PCNX1: variants seen among roughly 807,000 people sequenced by gnomAD.
PCNX1 encodes pecanex-like protein 1.
In PCNX1, 78 loss-of-function variants were observed where a neutral mutation model predicts 242.2. That is an observed-to-expected ratio of 0.32 (90% CI 0.27 to 0.39). PCNX1 has a LOEUF of 0.39. PCNX1 is among the 10% of genes least tolerant of loss of function. The probability of loss-of-function intolerance (pLI) is 1.00; values close to 1 mark genes in which losing one functional copy is unlikely to be tolerated. For synonymous variants in PCNX1, 1,024 were observed against 1,032.9 expected (o/e 0.99, Z 0.17); for missense variants, 2,581 against 2,856.5 (o/e 0.90, Z 2.20).
At chr14:70,968,370 ATTAT>A (rs1339150362) in intron 4 of PCNX1, 127 bp downstream of exon 4, 13 of 576,500 alleles carry the variant, frequency 2.3e-5, no homozygotes, top group Admixed American at 3.8e-5. Flanking sequence ...TATAGATAAA[ATTAT>A]TTATCTTATT....
chr14:71,027,782 G>T (rs2140884045), intron 15 of PCNX1, among the ~76,000 whole-genome samples: 1 of 151,852 alleles, frequency 6.6e-6, no homozygotes, highest in African/African-American at 2.4e-5. Context: ...TTTTTGAAGG[G>T]GTATGAATTA....
chr14:70,983,664 C>T (rs1292931386), intron 6 of PCNX1, among the ~76,000 whole-genome samples: 1 of 151,238 alleles, frequency 6.6e-6, no homozygotes, highest in African/African-American at 2.4e-5. Context: ...GTAGGCCAGT[C>T]CTTTAAAATG....
At chr14:71,097,240 A>G (rs1398174521) in intron 30 of PCNX1, among the ~76,000 whole-genome samples, 1 of 152,178 alleles carries the variant, frequency 6.6e-6, no homozygotes, top group African/African-American at 2.4e-5. Context: ...TTGATTCTGC[A>G]TCTTTGCTAT....
At chr14:70,911,121 T>C (rs1409007890) in intron 1 of PCNX1, among the ~76,000 whole-genome samples, 1 of 152,214 alleles carries the variant, frequency 6.6e-6, no homozygotes, top group Non-Finnish European at 1.5e-5. Context: ...GCTCTTACAA[T>C]AATAACTGTA....
intron 1 of PCNX1, among the ~76,000 whole-genome samples, chr14:70,941,154 C>G (rs980032438): frequency 3.0e-4 from 46 of 152,250 alleles, no homozygotes; most frequent in African/African-American, 9.6e-4. Flanking sequence ...TTCTCTGTCC[C>G]TTTGTTCCAT....
At chr14:71,024,318 A>C (rs191473251) in intron 13 of PCNX1, among the ~76,000 whole-genome samples, 1 of 152,244 alleles carries the variant, frequency 6.6e-6, no homozygotes, top group African/African-American at 2.4e-5. Flanking sequence ...TTATTCAAAT[A>C]GGTTTTGCCC....
intron 25 of PCNX1, among the ~76,000 whole-genome samples, chr14:71,056,834 A>T (rs1450561554): frequency 3.3e-5 from 5 of 151,992 alleles, no homozygotes; most frequent in Non-Finnish European, 7.4e-5. Flanking sequence ...GTGCACCATG[A>T]TGCCCAGCTA....
At chr14:70,911,280 TC>T (rs901819882) in intron 1 of PCNX1, among the ~76,000 whole-genome samples, 1 of 152,050 alleles carries the variant, frequency 6.6e-6, no homozygotes, top group African/African-American at 2.4e-5. Flanking sequence ...TTTTATTTAT[TC>T]CCCCCCAAAA....
At chr14:70,908,634 T>G (rs2055683800) in intron 1 of PCNX1, among the ~76,000 whole-genome samples, 1 of 152,042 alleles carries the variant, frequency 6.6e-6, no homozygotes, top group African/African-American at 2.4e-5. Flanking sequence ...TAAAAAACCG[T>G]TGTTGTGCTT....
chr14:70,974,319 G>C (rs1367511278), intron 5 of PCNX1, among the ~76,000 whole-genome samples: 1 of 147,920 alleles, frequency 6.8e-6, no homozygotes, highest in Non-Finnish European at 1.5e-5. Context: ...ATTTTTAGTA[G>C]AGATGGGGTT....
rs150765423 is a variant in PCNX1, at chr14:71,113,886, C to T, written c.*3951C>T. 2.0e-5 allele frequency: 3 copies of T among 151,884 alleles called. No individual in the cohort carries two copies. The highest frequency in any genetic ancestry group is 7.2e-5 in the African/African-American group (3 of 41,424). The allele number at this position is 151,884 out of a possible 1,614,324, so 9.4% of individuals were successfully genotyped here. Reference sequence around the variant, plus strand: ...GTGTGTGTATGTTTGTTTTTTAAGTCGTCATTATTCATTCGTATTCTTTTT... The same window carrying T: ...GTGTGTGTATGTTTGTTTTTTAAGTTGTCATTATTCATTCGTATTCTTTTT... On this transcript the variant is annotated 3_prime_UTR_variant, in exon 36 of 36. Coordinates refer to ENST00000304743, the MANE Select transcript of PCNX1 (RefSeq NM_014982.3).
chr14:71,048,713 A>G (rs2060936912), intron 22 of PCNX1, among the ~76,000 whole-genome samples: 2 of 152,178 alleles, frequency 1.3e-5, no homozygotes, highest in Admixed American at 1.3e-4. Context: ...ATGAAATTCC[A>G]GTTTTAGGGA....
Position 70,946,994 on chromosome 14 carries a change from A to T in PCNX1, c.233A>T (p.Asn78Ile). 1 of 1,613,820 alleles carries T rather than the reference A, an allele frequency of 6.2e-7. No individual in the cohort carries two copies. Among genetic ancestry groups the T allele is most frequent in the South Asian group, 1.1e-5 (1 of 91,068 alleles). Residue 78 changes from asparagine (N) to isoleucine (I), a missense_variant, in exon 2 of 36, where the codon AAC becomes ATC. By Grantham distance (149) the Asn-to-Ile change is moderately radical. This residue lies in a region of PCNX1 where 1,204 missense variants were observed against 1,216.7 expected (regional missense o/e 0.99). Transcript: ENST00000304743. ...AAVFIVLKMV[N>I]YRLHRALDAG... Reference sequence around the variant, plus strand: ...GTTTTCATTGTTCTGAAGATGGTCAACTATCGACTACACAGAGCACTTGAT... The same window carrying T: ...GTTTTCATTGTTCTGAAGATGGTCATCTATCGACTACACAGAGCACTTGAT...
Position 71,109,203 on chromosome 14 carries a change from A to G in PCNX1, c.6744+157A>G, listed in dbSNP as rs368401405. On this transcript the variant is annotated intron_variant, in intron 34 of 35. Transcript: ENST00000304743. ...GGGGAAAAATTTCTTCAAACTTAAAAACTGAAAGCAAACAGTTTTTGTGAT... is the reference window on the plus strand; with the variant it reads ...GGGGAAAAATTTCTTCAAACTTAAAGACTGAAAGCAAACAGTTTTTGTGAT... Among the ~76,000 whole-genome samples the G allele has an allele frequency of 5.1e-4, 78 of 152,352 alleles. 1 individual carries two copies. In the South Asian group the frequency reaches 9.5e-3, roughly 19 times the overall value.
At chr14:71,058,939 A>T (rs540432580) in intron 26 of PCNX1, among the ~76,000 whole-genome samples, 31 of 152,288 alleles carry the variant, frequency 2.0e-4, no homozygotes, top group African/African-American at 6.3e-4. Context: ...AGGCTGTTCA[A>T]TCCTAATCCA....
chr14:71,053,429 T>C, intron 24 of PCNX1: 1 of 373,524 alleles, frequency 2.7e-6, no homozygotes, highest in South Asian at 2.1e-5. Context: ...GCAATTCTCC[T>C]GCCTCAGCCT....
At position 70,997,816 on chromosome 14, in the gene PCNX1, G is replaced by A. The variant is rs76427716; in HGVS notation, c.2629+1891G>A. ...AGGAATTGGTAGAGAAGCTAGAATA[G>A]TTTTGTTGTGTGGTTTAATTTTCTA... On this transcript the variant is annotated intron_variant, in intron 8 of 35. Coordinates refer to ENST00000304743, the MANE Select transcript of PCNX1 (RefSeq NM_014982.3). Among the ~76,000 whole-genome samples, 133 of 152,304 alleles carry A rather than the reference G, an allele frequency of 8.7e-4. 5 individuals carry two copies. The East Asian group carries it at 0.024, about 27-fold the overall frequency.
chr14:71,035,720 C>T (rs913211664), intron 18 of PCNX1, among the ~76,000 whole-genome samples: 1 of 151,146 alleles, frequency 6.6e-6, no homozygotes. Flanking sequence ...TCAGCCTGGC[C>T]AACATGGTGA....
chr14:70,977,901 G>C lies in PCNX1; in HGVS notation c.1564G>C (p.Ala522Pro), dbSNP rs1213318636. The change falls in exon 6 of 36, where the codon GCT becomes CCT. Residue 522 changes from alanine to proline, a missense_variant. By Grantham distance (27) the Ala-to-Pro change is conservative (BLOSUM62 -1). This residue lies in a region of PCNX1 where 1,204 missense variants were observed against 1,216.7 expected (regional missense o/e 0.99). Coordinates refer to ENST00000304743, the MANE Select transcript of PCNX1 (RefSeq NM_014982.3). ...ENKEEKSDKS[A>P]VSVDSKVRKD... ...CAAAGAAGAGAAGAGTGATAAGTCA[G>C]CTGTTTCTGTGGATTCCAAAGTGCG... The C allele has an allele frequency of 5.0e-6, 8 of 1,614,048 alleles. No individual in the cohort carries two copies. In the Admixed American group the frequency reaches 8.3e-5, roughly 17 times the overall value.
Sources: gnomAD v4.1 joint callset for allele counts (sites outside exome capture counted in the v4.1 genomes callset) on GRCh38, gnomAD v4.1.1 for gene constraint, gnomAD v4.1.1 regional missense constraint, MANE v1.5 for transcripts, NCBI Gene and HGNC (gene_info 2026-07-23, HGNC 2026-07-21) for gene names.